Variants in GRIK1 observed in about 807,000 individuals in gnomAD.
GRIK1 encodes glutamate ionotropic receptor kainate type subunit 1, also known as glutamate receptor ionotropic, kainate 1.
A neutral mutation model predicts 105.7 loss-of-function variants in GRIK1; 69 were observed. The observed-to-expected ratio is 0.65, with a 90% CI of 0.54 to 0.80. GRIK1 has a LOEUF of 0.80. Among genes scored for constraint, GRIK1 ranks in the 30% least tolerant of loss-of-function variants. GRIK1 has a pLI of 0.00. For synonymous variants in GRIK1, 438 were observed against 431.3 expected (o/e 1.02, Z -0.19); for missense variants, 1,109 against 1,167.3 (o/e 0.95, Z 0.73).
At chr21:29,745,565 TA>T (rs1303583147) in intron 1 of GRIK1, among the ~76,000 whole-genome samples, 2 of 152,246 alleles carry the variant, frequency 1.3e-5, no homozygotes, top group Non-Finnish European at 2.9e-5. Flanking sequence ...AGTACAGGGT[TA>T]AAATCCAGGG....
intron 1 of GRIK1, among the ~76,000 whole-genome samples, chr21:29,799,025 A>G (rs967608904): frequency 3.9e-5 from 6 of 152,172 alleles, no homozygotes; most frequent in African/African-American, 1.4e-4. Flanking sequence ...CTCAGAGAAC[A>G]CCTGAGAACT....
intron 7 of GRIK1, among the ~76,000 whole-genome samples, chr21:29,624,757 G>A (rs895276765): frequency 1.6e-4 from 25 of 152,226 alleles, no homozygotes; most frequent in African/African-American, 4.6e-4. Flanking sequence ...TTTTAATAAT[G>A]TAGATGACTA....
At chr21:29,558,106 A>T (rs2090301513) in intron 15 of GRIK1, among the ~76,000 whole-genome samples, 2 of 152,152 alleles carry the variant, frequency 1.3e-5, no homozygotes, top group South Asian at 4.1e-4. Context: ...TAAATCTCTC[A>T]GGAGGTACAT....
chr21:29,633,371 C>T (rs548619882), intron 7 of GRIK1, among the ~76,000 whole-genome samples: 19 of 152,186 alleles, frequency 1.2e-4, no homozygotes, highest in South Asian at 4.2e-4. Context: ...TGGTGGCGCA[C>T]GCCTGTAGTC....
At chr21:29,855,863 A>G (rs2068446922) in intron 1 of GRIK1, among the ~76,000 whole-genome samples, 1 of 152,064 alleles carries the variant, frequency 6.6e-6, no homozygotes, top group Non-Finnish European at 1.5e-5. Flanking sequence ...GAAATGGGAG[A>G]GATTTTTTTT....
At chr21:29,846,278 C>T (rs959758820) in intron 1 of GRIK1, among the ~76,000 whole-genome samples, 5 of 151,412 alleles carry the variant, frequency 3.3e-5, no homozygotes, top group African/African-American at 1.2e-4. Context: ...ATCCCAGCTA[C>T]TCGGGAGGCT....
intron 1 of GRIK1, among the ~76,000 whole-genome samples, chr21:29,832,582 G>A (rs903248697): frequency 1.3e-5 from 2 of 152,172 alleles, no homozygotes; most frequent in African/African-American, 4.8e-5. Flanking sequence ...ACACTCTGGA[G>A]CAGTAGCCTG....
intron 17 of GRIK1, 192 bp downstream of exon 17, chr21:29,537,601 GATTTC>G: frequency 1.5e-6 from 1 of 676,210 alleles, no homozygotes; most frequent in Non-Finnish European, 2.7e-6. Flanking sequence ...CAAACTTTGG[GATTTC>G]ATTCACAAAT....
intron 1 of GRIK1, among the ~76,000 whole-genome samples, chr21:29,898,594 G>A (rs149731681): frequency 2.6e-5 from 4 of 152,244 alleles, no homozygotes; most frequent in East Asian, 1.9e-4. Context: ...GTTTGGTTTC[G>A]TACCTAAAAA....
At chr21:29,921,892 G>A (rs963013904) in intron 1 of GRIK1, among the ~76,000 whole-genome samples, 3 of 152,122 alleles carry the variant, frequency 2.0e-5, no homozygotes. Flanking sequence ...TAGGTACTAG[G>A]TGCTCATTAC....
chr21:29,546,494 C>T (rs2090053116), intron 16 of GRIK1, among the ~76,000 whole-genome samples: 1 of 152,194 alleles, frequency 6.6e-6, no homozygotes, highest in Admixed American at 6.5e-5. Flanking sequence ...TTCATCCTCC[C>T]AAGTGTGAAC....
chr21:29,780,241 T>C (rs760523749), intron 1 of GRIK1, among the ~76,000 whole-genome samples: 7 of 152,210 alleles, frequency 4.6e-5, no homozygotes, highest in Non-Finnish European at 1.0e-4. Flanking sequence ...GACTATTATT[T>C]TGAACCACGT....
intron 13 of GRIK1, among the ~76,000 whole-genome samples, chr21:29,579,669 T>C (rs1335253272): frequency 6.6e-6 from 1 of 152,152 alleles, no homozygotes; most frequent in Non-Finnish European, 1.5e-5. Context: ...CAGTCACAAG[T>C]ACCTCAAGTT....
At chr21:29,876,496 C>T (rs2069197236) in intron 1 of GRIK1, among the ~76,000 whole-genome samples, 1 of 152,112 alleles carries the variant, frequency 6.6e-6, no homozygotes. Context: ...GTACATTTTT[C>T]ATCATTTTAT....
intron 1 of GRIK1, among the ~76,000 whole-genome samples, chr21:29,894,743 T>A (rs2070055495): frequency 6.6e-6 from 1 of 152,160 alleles, no homozygotes; most frequent in Non-Finnish European, 1.5e-5. Context: ...AATTAAAAGA[T>A]TTTAATCGGC....
intron 7 of GRIK1, among the ~76,000 whole-genome samples, chr21:29,606,087 G>T (rs1368826888): frequency 6.6e-6 from 1 of 151,122 alleles, no homozygotes; most frequent in African/African-American, 2.4e-5. Flanking sequence ...CCTCATCCAA[G>T]GGTGATTTGA....
intron 1 of GRIK1, among the ~76,000 whole-genome samples, chr21:29,764,457 A>G (rs1277435380): frequency 6.6e-6 from 1 of 152,174 alleles, no homozygotes; most frequent in East Asian, 1.9e-4. Context: ...CCACATCCAT[A>G]AAAAAGTAAT....
intron 1 of GRIK1, among the ~76,000 whole-genome samples, chr21:29,755,986 G>C (rs991005789): frequency 6.6e-6 from 1 of 152,150 alleles, no homozygotes; most frequent in African/African-American, 2.4e-5. Context: ...AGGTTGTCTG[G>C]CTTATAAAAA....
chr21:29,927,265 C>T lies in GRIK1; in HGVS notation c.118+12118G>A, dbSNP rs114013755. Among the ~76,000 whole-genome samples the T allele has an allele frequency of 6.9e-3, 1,042 of 151,222 alleles. 16 individuals are homozygous for T. Among genetic ancestry groups the T allele is most frequent in the African/African-American group, 0.024 (969 of 41,226 alleles). On this transcript the variant is annotated intron_variant, in intron 1 of 17. Transcript: ENST00000327783. ...AAATATGAATTTATCTATGAATACA[C>T]GTATATTATATATGATATGTAATAT...
Sources: allele counts gnomAD v4.1 joint callset (sites outside exome capture counted in the v4.1 genomes callset), GRCh38; gene constraint gnomAD v4.1.1; transcripts MANE v1.5; gene names NCBI Gene and HGNC (gene_info 2026-07-23, HGNC 2026-07-21).